Variants in PATL2 observed in about 807,000 individuals in gnomAD.
The protein encoded by PATL2 is protein PAT1 homolog 2.
Under a neutral mutation model 77.0 loss-of-function variants are expected in PATL2, and 73 were observed. The ratio of observed to expected loss-of-function variants is 0.95; its 90% CI spans 0.78 to 1.15. The LOEUF (loss-of-function observed/expected upper bound fraction) is 1.15, where lower values mean the gene tolerates loss of function less well. Among genes scored for constraint, PATL2 ranks in the 50% most tolerant of loss-of-function variants. The pLI, the probability that PATL2 is intolerant of heterozygous loss-of-function variation, is 0.00. For synonymous variants in PATL2, 265 were observed against 257.1 expected, an observed-to-expected ratio of 1.03 and a Z score of -0.29; for missense variants, 618 against 655.4, an observed-to-expected ratio of 0.94 and a Z score of 0.62.
At chr15:44,670,764 A>T (rs2085633816) in intron 9 of PATL2, among the ~76,000 whole-genome samples, 1 of 152,198 alleles carries the variant, frequency 6.6e-6, no homozygotes, top group Non-Finnish European at 1.5e-5. Context: ...CACACTGCAT[A>T]CCACCTGTCC....
At chr15:44,692,203 G>A (rs1033866946) in intron 3 of PATL2, among the ~76,000 whole-genome samples, 1 of 152,138 alleles carries the variant, frequency 6.6e-6, no homozygotes, top group Non-Finnish European at 1.5e-5. Context: ...TATATAAATA[G>A]AGAAAGAATA....
intron 3 of PATL2, among the ~76,000 whole-genome samples, chr15:44,704,122 G>A (rs935388802): frequency 6.0e-5 from 9 of 151,172 alleles, no homozygotes; most frequent in Non-Finnish European, 1.2e-4. Flanking sequence ...CCAAGTAGTT[G>A]GGACCACAGG....
At position 44,672,021 on chromosome 15, in the gene PATL2, A is replaced by G; in HGVS notation, c.651T>C (p.Tyr217=). 3 of 1,551,724 alleles carry G rather than the reference A, an allele frequency of 1.9e-6. No homozygotes were observed. The highest frequency in any genetic ancestry group is 2.6e-6 in the Non-Finnish European group (3 of 1,146,992). ...QSAKPRLDDY[Y]YQEYYQKLEK... ...TGAGTACTGCGGGGCTCACCTGGTAATAGTAGTCATCCAGGCGGGGTTTTG... is the reference window on the plus strand; with the variant it reads ...TGAGTACTGCGGGGCTCACCTGGTAGTAGTAGTCATCCAGGCGGGGTTTTG... The change falls in exon 9 of 18, where the codon TAT becomes TAC. Residue 217 remains tyrosine, a synonymous_variant. Transcript: ENST00000682850.
intron 3 of PATL2, among the ~76,000 whole-genome samples, chr15:44,684,149 A>C (rs2086198990): frequency 6.6e-6 from 1 of 152,188 alleles, no homozygotes; most frequent in African/African-American, 2.4e-5. Context: ...AAAAACCAGC[A>C]CAAAAAGGCT....
intron 16 of PATL2, 107 bp from the exon 17 acceptor site, chr15:44,666,648 C>T: frequency 8.4e-7 from 1 of 1,188,702 alleles, no homozygotes; most frequent in African/African-American, 1.6e-5. Context: ...GTCCCCCACC[C>T]CCAGGTAGCA....
chr15:44,676,872 A>C (rs2085986066), intron 3 of PATL2: 1 of 1,090,966 alleles, frequency 9.2e-7, no homozygotes, highest in African/African-American at 1.6e-5. Context: ...CCACCACCTG[A>C]CTGTTGCTGT....
At chr15:44,678,780 T>C (rs1265858385) in intron 3 of PATL2, among the ~76,000 whole-genome samples, 1 of 152,136 alleles carries the variant, frequency 6.6e-6, no homozygotes, top group Admixed American at 6.5e-5. Flanking sequence ...ACCCCATCTC[T>C]ATTAAAAATT....
intron 3 of PATL2, among the ~76,000 whole-genome samples, chr15:44,695,545 C>A (rs370868235): frequency 4.6e-5 from 7 of 152,258 alleles, no homozygotes; most frequent in African/African-American, 1.7e-4. Context: ...ATCTGTGAGC[C>A]CTACATAAAT....
chr15:44,698,972 G>A (rs954052553), intron 3 of PATL2, among the ~76,000 whole-genome samples: 1 of 152,116 alleles, frequency 6.6e-6, no homozygotes, highest in Admixed American at 6.5e-5. Flanking sequence ...TTGTAGTTTT[G>A]ATTTGCATTT....
chr15:44,676,589 G>C (rs1006676149), intron 3 of PATL2, 24 bp from the exon 4 acceptor site: 80 of 1,529,396 alleles, frequency 5.2e-5, no homozygotes, highest in Non-Finnish European at 6.2e-5. Context: ...GAGGCCAAGA[G>C]GCACCATCCT....
intron 3 of PATL2, among the ~76,000 whole-genome samples, chr15:44,690,689 T>A (rs376650790): frequency 6.6e-6 from 1 of 152,120 alleles, no homozygotes; most frequent in African/African-American, 2.4e-5. Flanking sequence ...AAAAAACTTA[T>A]GGGTAAAAAT....
intron 3 of PATL2, among the ~76,000 whole-genome samples, chr15:44,699,571 C>G (rs1276321032): frequency 6.6e-6 from 1 of 152,112 alleles, no homozygotes; most frequent in Non-Finnish European, 1.5e-5. Context: ...AACTCCTGGT[C>G]AAGAGATCCA....
At chr15:44,667,657 T>C (rs1252986310) in intron 15 of PATL2, among the ~76,000 whole-genome samples, 1 of 152,192 alleles carries the variant, frequency 6.6e-6, no homozygotes, top group Non-Finnish European at 1.5e-5. Flanking sequence ...ATTATATACC[T>C]ATTGGCTGGG....
rs1050285529 is a variant in PATL2, at chr15:44,673,361, G to A, written c.320C>T (p.Ser107Leu). 1.4e-5 allele frequency: 21 copies of A among 1,551,710 alleles called. No homozygotes were observed. Among genetic ancestry groups the A allele is most frequent in the East Asian group, 7.3e-5 (3 of 40,916 alleles). The change falls in exon 7 of 18, where the codon TCG becomes TTG. Residue 107 changes from serine (S) to leucine (L), a missense_variant. Coordinates refer to ENST00000682850, the MANE Select transcript of PATL2 (RefSeq NM_001387263.1). ...HFLWQTLDYL[S>L]PIPFWPTFPS... is the part of the protein sequence containing the mutation. ...AAATGTAGGCCAGAAAGGGATGGGCGACAGGTAGTCCAAGGTCTGAGAGAG... is the reference window on the plus strand; with the variant it reads ...AAATGTAGGCCAGAAAGGGATGGGCAACAGGTAGTCCAAGGTCTGAGAGAG...
At chr15:44,676,263 C>A (rs529732046) in intron 4 of PATL2, 1 of 586,182 alleles carries the variant, frequency 1.7e-6, no homozygotes, top group African/African-American at 1.9e-5. Context: ...ATGAGGCTGT[C>A]CTGGGTTGTT....
At chr15:44,671,207 C>T (rs2085657409) in intron 9 of PATL2, among the ~76,000 whole-genome samples, 1 of 151,938 alleles carries the variant, frequency 6.6e-6, no homozygotes, top group African/African-American at 2.4e-5. Context: ...GTGAAACAGC[C>T]AGCCGGGCGC....
At chr15:44,688,236 A>G (rs889086388) in intron 3 of PATL2, among the ~76,000 whole-genome samples, 3 of 142,544 alleles carry the variant, frequency 2.1e-5, no homozygotes, top group Non-Finnish European at 3.0e-5. Flanking sequence ...ACAGAGCGAG[A>G]CTCTGTCTCA....
In PATL2 at chr15:44,672,165, C is replaced by A. The variant is rs1378087651; in HGVS notation, c.516-9G>T. 1.3e-6 allele frequency: 2 copies of A among 1,551,682 alleles called. No individual in the cohort carries two copies. Among genetic ancestry groups the A allele is most frequent in the South Asian group, 2.4e-5 (2 of 84,066 alleles). On this transcript the variant is annotated splice_polypyrimidine_tract_variant and intron_variant, in intron 8 of 17. Transcript: ENST00000682850. Reference sequence around the variant, plus strand: ...GCTTCTTGGCTGGGGGACTTTAAGCCAGGAGGAACAACCCTTTAGACTTAC... The same window carrying A: ...GCTTCTTGGCTGGGGGACTTTAAGCAAGGAGGAACAACCCTTTAGACTTAC...
rs561658889 is a variant in PATL2, at chr15:44,668,426, G to T, written c.1281C>A (p.His427Gln). ...ATCCCTGAAGTCCTTGGAGGAGTTCGTGGAGGGTCAAGTGACTAATACATT... is the reference window on the plus strand; with the variant it reads ...ATCCCTGAAGTCCTTGGAGGAGTTCTTGGAGGGTCAAGTGACTAATACATT... ...LGKCISHLTL[H>Q]ELLQGLQGLT... Residue 427 changes from histidine (H) to glutamine (Q), a missense_variant, in exon 15 of 18, where the codon CAC (histidine) becomes CAA (glutamine). Transcript: ENST00000682850. 15 of 1,551,406 alleles carry T rather than the reference G, an allele frequency of 9.7e-6. No individual in the cohort carries two copies. The East Asian group carries it at 3.7e-4, about 38-fold the overall frequency.
Sources: allele counts gnomAD v4.1 joint callset (sites outside exome capture counted in the v4.1 genomes callset), GRCh38; gene constraint gnomAD v4.1.1; transcripts MANE v1.5; gene names NCBI Gene and HGNC (gene_info 2026-07-23, HGNC 2026-07-21).